The following NFE2 variants were observed in gnomAD, a reference collection of about 807,000 sequenced individuals.
NFE2 encodes transcription factor NF-E2 45 kDa subunit.
Under a neutral mutation model 25.8 loss-of-function variants are expected in NFE2, and 13 were observed. The observed-to-expected ratio is 0.50, with a 90% CI of 0.33 to 0.80. The LOEUF (loss-of-function observed/expected upper bound fraction) is 0.80. Ranked by LOEUF, NFE2 falls within the 30% of genes least tolerant of loss-of-function variation. The pLI is 0.02. For synonymous variants in NFE2, 204 were observed against 200.2 expected, an observed-to-expected ratio of 1.02 and a Z score of -0.16; for missense variants, 382 against 478.9, an observed-to-expected ratio of 0.80 and a Z score of 1.89.
In NFE2 at chr12:54,293,094, C is replaced by A; in HGVS notation, c.402G>T (p.Gly134=). ...CTGGGTCTTCTTGGGGCTTAGGTGG[C>A]CCTGCTGGCAGCCCAATGTCCAGGA... The part of the protein sequence containing the change: ...LALLDIGLPA[G]PPKPQEDPES... Residue 134 remains glycine, a synonymous_variant, in exon 3 of 3, where the codon GGG becomes GGT. Transcript: ENST00000435572. The A allele has an allele frequency of 6.6e-7, 1 of 1,522,720 alleles. No homozygotes were observed. The highest frequency in any genetic ancestry group is 8.8e-7 in the Non-Finnish European group (1 of 1,136,690). 94.3% of individuals were successfully genotyped at this position (1,522,720 alleles called of 1,614,324 possible).
At chr12:54,299,050 CAAAA>C (rs78513468) in intron 1 of NFE2, among the ~76,000 whole-genome samples, 5 of 119,914 alleles carry the variant, frequency 4.2e-5, no homozygotes, top group Admixed American at 8.7e-5. Flanking sequence ...GACTCTGTCT[CAAAA>C]AAAAAAAAAA....
At chr12:54,300,410 T>G (rs1040123404) in intron 1 of NFE2, 15 of 152,296 alleles carry the variant, frequency 9.8e-5, no homozygotes, top group African/African-American at 3.4e-4. Flanking sequence ...TCCCTAAACC[T>G]TCTCAGCTGC....
chr12:54,295,071 GC>G, intron 2 of NFE2, 63 bp downstream of exon 2: 1 of 1,388,988 alleles, frequency 7.2e-7, no homozygotes, highest in Non-Finnish European at 1.0e-6. Flanking sequence ...CTCAGTCCTG[GC>G]CAACTCCCTG....
chr12:54,294,740 G>A (rs35190455), intron 2 of NFE2, among the ~76,000 whole-genome samples: 1 of 152,276 alleles, frequency 6.6e-6, no homozygotes, highest in Admixed American at 6.5e-5. Context: ...CTGAACTACT[G>A]CTCTGTTACC....
rs1344478934 is a variant in NFE2, at chr12:54,295,501, T to G, written c.-56-197A>C. On this transcript the variant is annotated intron_variant, in intron 1 of 2. Coordinates refer to ENST00000435572, the MANE Select transcript of NFE2 (RefSeq NM_001136023.3). ...GTGTTGTGATCTCCACCTCGCCAAC[T>G]ATGGCCACAGTCAGTTCCTTTGGTA... 1.2e-5 allele frequency: 5 copies of G among 407,918 alleles called. No individual in the cohort carries two copies. In the South Asian group the frequency reaches 1.4e-4, roughly 11 times the overall value. 25.3% of individuals were successfully genotyped at this position (407,918 alleles called of 1,614,324 possible).
At chr12:54,296,483 A>G (rs765521396) in intron 1 of NFE2, among the ~76,000 whole-genome samples, 2 of 151,684 alleles carry the variant, frequency 1.3e-5, no homozygotes, top group Non-Finnish European at 2.9e-5. Flanking sequence ...ACTGAAGCTG[A>G]TAAATAATAG....
At position 54,293,384 on chromosome 12, in the gene NFE2, G is replaced by A. The variant is rs1944339140; in HGVS notation, c.115-3C>T. 2 of 1,473,574 alleles carry A rather than the reference G, an allele frequency of 1.4e-6. No homozygotes were observed. Among genetic ancestry groups the A allele is most frequent in the African/African-American group, 1.4e-5 (1 of 71,408 alleles). The allele number at this position is 1,473,574 out of a possible 1,614,324, so 91.3% of individuals were successfully genotyped here. On this transcript the variant is annotated splice_polypyrimidine_tract_variant and splice_region_variant and intron_variant, in intron 2 of 2. Transcript: ENST00000435572. ...GGCTCACTTGGAGCATTCAGACCCT[G>A]CAAGGAAAGACACAAAGAGATTTGG...
At chr12:54,299,547 C>T (rs1944403558) in intron 1 of NFE2, among the ~76,000 whole-genome samples, 1 of 152,194 alleles carries the variant, frequency 6.6e-6, no homozygotes, top group African/African-American at 2.4e-5. Context: ...TCACCAGGGA[C>T]TAAAGTCCAT....
rs373651500 is a variant in NFE2 at position 54,292,397 on chromosome 12, T to A, written c.1099A>T (p.Thr367Ser). The change falls in exon 3 of 3, where the codon ACC becomes TCC. Residue 367 changes from threonine to serine, a missense_variant. Physicochemically the swap from Thr to Ser is moderately conservative, Grantham distance 58. Transcript: ENST00000435572. Reference sequence around the variant, plus strand: ...GCTCAGTCTGTGGCCTCCATCTTGGTCCCCCGGGGCACAAGGAAGATGGTC... The same window carrying A: ...GCTCAGTCTGTGGCCTCCATCTTGGACCCCCGGGGCACAAGGAAGATGGTC... ...DGTIFLVPRG[T>S]KMEATD is the part of the protein sequence containing the mutation. The A allele has an allele frequency of 2.5e-6, 4 of 1,613,714 alleles. No individual in the cohort carries two copies. The African/African-American group carries it at 5.3e-5, about 22-fold the overall frequency.
chr12:54,294,597 C>G (rs1944352573), intron 2 of NFE2, among the ~76,000 whole-genome samples: 1 of 152,148 alleles, frequency 6.6e-6, no homozygotes, highest in South Asian at 2.1e-4. Flanking sequence ...AGGCCCCCAA[C>G]CTACATCAGG....
chr12:54,292,547 G>A lies in NFE2; in HGVS notation c.949C>T (p.Arg317Trp), dbSNP rs374868675. ...RLLRARGEAD[R>W]TLEVMRQQLT... ...TGTTGGCGCATGACCTCCAGGGTCC[G>A]GTCTGCCTCCCCGCGGGCCCTGAGA... Residue 317 changes from arginine (R) to tryptophan (W), a missense_variant, in exon 3 of 3, where the codon CGG becomes TGG. Transcript: ENST00000435572. 1.1e-5 allele frequency: 18 copies of A among 1,614,046 alleles called. No homozygotes were observed. The highest frequency in any genetic ancestry group is 8.0e-5 in the African/African-American group (6 of 74,908).
chr12:54,296,386 G>A (rs1050712684), intron 1 of NFE2, among the ~76,000 whole-genome samples: 6 of 148,550 alleles, frequency 4.0e-5, no homozygotes, highest in Non-Finnish European at 7.4e-5. Context: ...CTCCAGCCTG[G>A]CTGACAGAGT....
At chr12:54,299,627 T>G (rs927872644) in intron 1 of NFE2, among the ~76,000 whole-genome samples, 1 of 152,178 alleles carries the variant, frequency 6.6e-6, no homozygotes, top group Admixed American at 6.5e-5. Context: ...ACTCACAGAA[T>G]GATACGGAGC....
At chr12:54,298,537 T>C (rs1944395676) in intron 1 of NFE2, among the ~76,000 whole-genome samples, 2 of 145,600 alleles carry the variant, frequency 1.4e-5, no homozygotes, top group Admixed American at 1.4e-4. Flanking sequence ...AAAAGATACA[T>C]GACCGTGGGC....
intron 1 of NFE2, 101 bp from the exon 2 acceptor site, chr12:54,295,405 G>T (rs1944363622): frequency 1.7e-6 from 1 of 594,082 alleles, no homozygotes; most frequent in Non-Finnish European, 3.0e-6. Flanking sequence ...CTGAGGGAAG[G>T]AGAGACCGCC....
chr12:54,293,376 C>G lies in NFE2; in HGVS notation c.120G>C (p.Leu40=). 1.3e-6 allele frequency: 2 copies of G among 1,492,932 alleles called. No homozygotes were observed. The highest frequency in any genetic ancestry group is 1.8e-6 in the Non-Finnish European group (2 of 1,113,182). The allele number at this position is 1,492,932 out of a possible 1,614,324, so 92.5% of individuals were successfully genotyped here. ...CAAATGATGGCTCACTTGGAGCATTCAGACCCTGCAAGGAAAGACACAAAG... is the reference window on the plus strand; with the variant it reads ...CAAATGATGGCTCACTTGGAGCATTGAGACCCTGCAAGGAAAGACACAAAG... The part of the protein sequence containing the change: ...EIMSITELQG[L]NAPSEPSFEP... Residue 40 remains leucine (L), a synonymous_variant, in exon 3 of 3, where the codon CTG becomes CTC. Transcript: ENST00000435572.
In NFE2 at chr12:54,295,287, C is replaced by G. The variant is rs1944362119; in HGVS notation, c.-39G>C. ...AGTCTGGTCCAGGTTCCCGGAAAGC[C>G]CAGATGGCTCTAGAAACCTGTGTCA... is the stretch of plus-strand genomic sequence containing the variant. On this transcript the variant is annotated 5_prime_UTR_variant, in exon 2 of 3. Coordinates refer to ENST00000435572, the MANE Select transcript of NFE2 (RefSeq NM_001136023.3). 1 of 1,550,928 alleles carries G rather than the reference C, an allele frequency of 6.4e-7. No homozygotes were observed. Among genetic ancestry groups the G allele is most frequent in the African/African-American group, 1.4e-5 (1 of 73,540 alleles).
intron 1 of NFE2, among the ~76,000 whole-genome samples, chr12:54,298,894 T>C (rs547748417): frequency 1.7e-4 from 26 of 151,394 alleles, no homozygotes; most frequent in South Asian, 1.3e-3. Context: ...CTACTAAAAA[T>C]ACAAAAATTA....
Position 54,293,172 on chromosome 12 carries a change from C to T in NFE2, c.324G>A (p.Lys108=), listed in dbSNP as rs758414350. ...SYGNMAIPVS[K]PLSLSGLLSE... ...TGAGCAGGCCTGAGAGGCTCAGTGGCTTGGAGACTGGTATGGCCATGTTGC... is the reference window on the plus strand; with the variant it reads ...TGAGCAGGCCTGAGAGGCTCAGTGGTTTGGAGACTGGTATGGCCATGTTGC... Residue 108 remains lysine (K), a synonymous_variant, in exon 3 of 3, where the codon AAG becomes AAA. Coordinates refer to ENST00000435572, the MANE Select transcript of NFE2 (RefSeq NM_001136023.3). 63 of 1,560,416 alleles carry T rather than the reference C, an allele frequency of 4.0e-5. No homozygotes were observed. Among genetic ancestry groups the T allele is most frequent in the Non-Finnish European group, 5.2e-5 (60 of 1,150,176 alleles).
Sources: allele counts gnomAD v4.1 joint callset (sites outside exome capture counted in the v4.1 genomes callset), GRCh38; gene constraint gnomAD v4.1.1; transcripts MANE v1.5; gene names NCBI Gene and HGNC (gene_info 2026-07-23, HGNC 2026-07-21).